Variants in ZDHHC17 observed in about 807,000 individuals in gnomAD.
The protein encoded by ZDHHC17 is zDHHC palmitoyltransferase 17, also known as palmitoyltransferase ZDHHC17.
A neutral mutation model predicts 90.3 loss-of-function variants in ZDHHC17; 40 were observed. The ratio of observed to expected loss-of-function variants is 0.44; its 90% CI spans 0.34 to 0.58. The LOEUF (loss-of-function observed/expected upper bound fraction) is 0.58. ZDHHC17 is among the 20% of genes least tolerant of loss of function. The probability of loss-of-function intolerance (pLI) is 0.01; values close to 1 mark genes in which losing one functional copy is unlikely to be tolerated. For missense variants in ZDHHC17, 614 were observed against 780.8 expected, an observed-to-expected ratio of 0.79 and a Z score of 2.55; for synonymous variants, 235 against 252.4, an observed-to-expected ratio of 0.93 and a Z score of 0.65.
chr12:76,816,826 A>G (rs1270762897), intron 7 of ZDHHC17, among the ~76,000 whole-genome samples: 2 of 152,098 alleles, frequency 1.3e-5, no homozygotes, highest in African/African-American at 4.8e-5. Context: ...AAGCTTATCA[A>G]TTTTTAGAAA....
intron 10 of ZDHHC17, chr12:76,840,397 A>G (rs1012086550): frequency 1.4e-5 from 2 of 144,254 alleles, no homozygotes; most frequent in African/African-American, 2.6e-5. Context: ...GCTGGAGTGC[A>G]TGACGTGATC....
At chr12:76,799,962 C>T (rs904537178) in intron 2 of ZDHHC17, among the ~76,000 whole-genome samples, 7 of 152,070 alleles carry the variant, frequency 4.6e-5, no homozygotes, top group African/African-American at 7.2e-5. Context: ...ACACATAGCC[C>T]GAAGGTACTT....
At chr12:76,846,137 AGTACACACATTAGTGTTCAAGAATG>A (rs1215843554) in intron 13 of ZDHHC17, among the ~76,000 whole-genome samples, 3 of 152,288 alleles carry the variant, frequency 2.0e-5, no homozygotes, top group Non-Finnish European at 4.4e-5. Context: ...AGATAAGAAC[AGTACACACATTAGTGTTCAAGAATG>A]GTATAGTCTA....
intron 1 of ZDHHC17, among the ~76,000 whole-genome samples, chr12:76,776,114 GA>G (rs140531915): frequency 0.011 from 1,717 of 149,494 alleles, 12 homozygotes; most frequent in Non-Finnish European, 0.017. Context: ...GGTACAGGTG[GA>G]AAAAAAAAAT....
intron 1 of ZDHHC17, among the ~76,000 whole-genome samples, chr12:76,771,827 G>T (rs1208146507): frequency 1.3e-5 from 2 of 151,986 alleles, no homozygotes; most frequent in African/African-American, 4.8e-5. Flanking sequence ...CAACAATCTT[G>T]TCTGAAACAT....
intron 16 of ZDHHC17, 75 bp from the exon 17 acceptor site, chr12:76,850,772 G>A (rs1335230191): frequency 3.3e-5 from 51 of 1,523,188 alleles, no homozygotes; most frequent in Admixed American, 1.1e-4. Context: ...TATTTAACAC[G>A]AAAATTATAT....
At chr12:76,768,761 A>G (rs1158388513) in intron 1 of ZDHHC17, among the ~76,000 whole-genome samples, 1 of 152,162 alleles carries the variant, frequency 6.6e-6, no homozygotes, top group African/African-American at 2.4e-5. Flanking sequence ...TGAGATCACA[A>G]TATCCCCTTC....
chr12:76,795,233 T>C (rs1952805030), intron 1 of ZDHHC17, among the ~76,000 whole-genome samples: 1 of 151,580 alleles, frequency 6.6e-6, no homozygotes, highest in Non-Finnish European at 1.5e-5. Context: ...TGTGTGTGTG[T>C]GTGTGTGTTT....
chr12:76,806,756 A>G (rs1952959012), intron 3 of ZDHHC17, among the ~76,000 whole-genome samples: 1 of 152,216 alleles, frequency 6.6e-6, no homozygotes, highest in Admixed American at 6.5e-5. Context: ...CAGGCAGTTC[A>G]ACTACCCTGG....
At chr12:76,788,850 C>G (rs570498741) in intron 1 of ZDHHC17, among the ~76,000 whole-genome samples, 2 of 151,768 alleles carry the variant, frequency 1.3e-5, no homozygotes, top group Non-Finnish European at 2.9e-5. Flanking sequence ...ACATGCACCA[C>G]CACGCCCAGC....
In ZDHHC17 at chr12:76,831,364, A is replaced by G. The variant is rs116414542; in HGVS notation, c.1141+2874A>G. The stretch of plus-strand genomic sequence containing the variant: ...GTTTTGTTTTGTTTTGTTTTGTTTT[A>G]TTTTGAGATGGAGTCTTGCACTGTC... On this transcript the variant is annotated intron_variant, in intron 10 of 16. Coordinates refer to ENST00000426126, the MANE Select transcript of ZDHHC17 (RefSeq NM_015336.4). Among the ~76,000 whole-genome samples the G allele has an allele frequency of 6.3e-3, 950 of 150,572 alleles. 6 individuals are homozygous for G. The highest frequency in any genetic ancestry group is 0.013 in the African/African-American group (544 of 40,960).
intron 10 of ZDHHC17, among the ~76,000 whole-genome samples, chr12:76,830,764 C>T (rs541712375): frequency 7.2e-5 from 11 of 152,268 alleles, no homozygotes; most frequent in Non-Finnish European, 1.3e-4. Flanking sequence ...AAATGTTAAA[C>T]TGTTTCTGTA....
intron 11 of ZDHHC17, 54 bp from the exon 12 acceptor site, chr12:76,842,865 G>A: frequency 7.5e-7 from 1 of 1,334,928 alleles, no homozygotes; most frequent in South Asian, 1.3e-5. Flanking sequence ...GGTGGCAAAA[G>A]AGTTGGTGAG....
intron 10 of ZDHHC17, among the ~76,000 whole-genome samples, chr12:76,831,720 C>T (rs542709776): frequency 1.1e-3 from 171 of 152,284 alleles, no homozygotes; most frequent in Middle Eastern, 6.8e-3. Context: ...AATCATGGCT[C>T]ACTGCTGCCT....
chr12:76,780,354 T>A (rs896509281), intron 1 of ZDHHC17, among the ~76,000 whole-genome samples: 8 of 152,186 alleles, frequency 5.3e-5, no homozygotes, highest in Non-Finnish European at 1.2e-4. Context: ...CATGTTTGGT[T>A]ACAATAATTT....
chr12:76,792,725 A>T (rs1326387313), intron 1 of ZDHHC17, among the ~76,000 whole-genome samples: 2 of 152,160 alleles, frequency 1.3e-5, no homozygotes, highest in South Asian at 2.1e-4. Context: ...CTATAATTTT[A>T]AAAAAATATA....
chr12:76,817,137 T>G (rs1207745690), intron 7 of ZDHHC17, among the ~76,000 whole-genome samples: 1 of 152,106 alleles, frequency 6.6e-6, no homozygotes, highest in Admixed American at 6.6e-5. Flanking sequence ...CTCTGCCACT[T>G]CAGAAATTAT....
chr12:76,835,787 C>T (rs7315540), intron 10 of ZDHHC17, among the ~76,000 whole-genome samples: 92,627 of 151,628 alleles, frequency 0.61, 28,349 homozygotes, highest in East Asian at 0.67. Flanking sequence ...ACAGAATGAG[C>T]ATCCTCATTT....
chr12:76,828,467 C>T lies in ZDHHC17; in HGVS notation c.1118C>T (p.Thr373Met). ...YLATKFWMYV[T>M]WFFWFWNDLN... is the part of the protein sequence containing the mutation. ...GCAACCAAATTCTGGATGTATGTGA[C>T]GTGGTTCTTCTGGTTTTGGAATGAT... is the stretch of plus-strand genomic sequence containing the variant. Residue 373 changes from threonine to methionine, a missense_variant, in exon 10 of 17, where the codon ACG becomes ATG. Transcript: ENST00000426126. 1 of 1,613,006 alleles carries T rather than the reference C, an allele frequency of 6.2e-7. No individual in the cohort carries two copies. Among genetic ancestry groups the T allele is most frequent in the Non-Finnish European group, 8.5e-7 (1 of 1,179,460 alleles).
Sources: gnomAD v4.1 joint callset for allele counts (sites outside exome capture counted in the v4.1 genomes callset) on GRCh38, gnomAD v4.1.1 for gene constraint, MANE v1.5 for transcripts, NCBI Gene and HGNC (gene_info 2026-07-23, HGNC 2026-07-21) for gene names.